The following PLCB4 variants were observed in gnomAD, a reference collection of about 807,000 sequenced individuals.
The protein encoded by PLCB4 is phospholipase C beta 4.
PLCB4 carries 77 observed loss-of-function variants against 178.8 expected under a neutral mutation model. That is an observed-to-expected ratio of 0.43 (90% CI 0.36 to 0.52). The LOEUF is 0.52. Among genes scored for constraint, PLCB4 ranks in the 20% least tolerant of loss-of-function variants. PLCB4 has a pLI of 0.00. For synonymous variants in PLCB4, 496 were observed against 490.8 expected, an observed-to-expected ratio of 1.01 and a Z score of -0.14; for missense variants, 1,024 against 1,453.4, an observed-to-expected ratio of 0.70 and a Z score of 4.80.
At chr20:9,407,528 C>T (rs2039537301) in intron 21 of PLCB4, among the ~76,000 whole-genome samples, 1 of 152,130 alleles carries the variant, frequency 6.6e-6, no homozygotes, top group African/African-American at 2.4e-5. Context: ...CGCCACCACA[C>T]CCAGCTAATT....
intron 2 of PLCB4, among the ~76,000 whole-genome samples, chr20:9,157,991 T>C (rs1453246390): frequency 6.6e-6 from 1 of 152,144 alleles, no homozygotes; most frequent in African/African-American, 2.4e-5. Context: ...CTTTCGGCCC[T>C]TTACCTGTTC....
At chr20:9,425,997 A>G (rs2148592339) in intron 28 of PLCB4, among the ~76,000 whole-genome samples, 1 of 152,286 alleles carries the variant, frequency 6.6e-6, no homozygotes, top group East Asian at 1.9e-4. Context: ...GTGCTGAACC[A>G]GTGAGATAGG....
At chr20:9,284,541 G>A (rs773120585) in intron 3 of PLCB4, among the ~76,000 whole-genome samples, 10 of 151,934 alleles carry the variant, frequency 6.6e-5, no homozygotes, top group African/African-American at 2.2e-4. Flanking sequence ...GAATTACATG[G>A]GTTTGAAGAA....
At chr20:9,183,372 A>G (rs1050379911) in intron 2 of PLCB4, among the ~76,000 whole-genome samples, 8 of 152,198 alleles carry the variant, frequency 5.3e-5, no homozygotes, top group African/African-American at 1.9e-4. Flanking sequence ...AGGCTTCTCC[A>G]GAACAAGATG....
At chr20:9,367,207 T>C (rs559452221) in intron 9 of PLCB4, among the ~76,000 whole-genome samples, 6 of 152,354 alleles carry the variant, frequency 3.9e-5, no homozygotes, top group Non-Finnish European at 7.3e-5. Flanking sequence ...AAAGTATCCA[T>C]GTGACCACTT....
chr20:9,409,617 G>A (rs2039711906), intron 24 of PLCB4, among the ~76,000 whole-genome samples: 1 of 152,138 alleles, frequency 6.6e-6, no homozygotes, highest in South Asian at 2.1e-4. Context: ...GACTGATGCA[G>A]GGGCACTTCA....
intron 2 of PLCB4, among the ~76,000 whole-genome samples, chr20:9,193,790 A>G (rs1298218872): frequency 6.6e-6 from 1 of 152,232 alleles, no homozygotes; most frequent in Non-Finnish European, 1.5e-5. Flanking sequence ...TATATTCTTG[A>G]AAACATTATA....
chr20:9,425,227 C>T (rs7261773), intron 28 of PLCB4, among the ~76,000 whole-genome samples: 5 of 152,164 alleles, frequency 3.3e-5, no homozygotes, highest in South Asian at 2.1e-4. Flanking sequence ...AACCTCCCTG[C>T]AACACAGCAT....
chr20:9,461,258 A>T (rs557401334), intron 35 of PLCB4, among the ~76,000 whole-genome samples: 1 of 152,378 alleles, frequency 6.6e-6, no homozygotes, highest in Non-Finnish European at 1.5e-5. Context: ...AGTTACTAAA[A>T]TACTTTAAAA....
chr20:9,086,446 C>G (rs368740804), intron 1 of PLCB4, among the ~76,000 whole-genome samples: 2 of 152,030 alleles, frequency 1.3e-5, no homozygotes, highest in East Asian at 3.9e-4. Flanking sequence ...GCCGAGTGAC[C>G]TTGGTCAAGT....
chr20:9,122,821 G>C (rs1035772082), intron 2 of PLCB4, among the ~76,000 whole-genome samples: 1 of 152,122 alleles, frequency 6.6e-6, no homozygotes, highest in Non-Finnish European at 1.5e-5. Context: ...TCTAAGTGTA[G>C]TTAAAGGGAC....
chr20:9,208,395 G>C (rs1601156533), intron 2 of PLCB4, among the ~76,000 whole-genome samples: 1 of 152,268 alleles, frequency 6.6e-6, no homozygotes, highest in African/African-American at 2.4e-5. Context: ...ATTACTATTT[G>C]CTTCTGACAG....
rs2044772982 is a variant in PLCB4 at position 9,479,723 on chromosome 20, A to G, written c.*714A>G. The G allele has an allele frequency of 6.6e-6, 1 of 152,656 alleles. No individual in the cohort carries two copies. The highest frequency in any genetic ancestry group is 1.5e-5 in the Non-Finnish European group (1 of 68,062). 9.5% of individuals were successfully genotyped at this position (152,656 alleles called of 1,614,324 possible). ...GATTCCGGATATTATAATTCACACC[A>G]TAAAGATTGTGAAGTGGTTATTGGC... On this transcript the variant is annotated 3_prime_UTR_variant, in exon 40 of 40. Coordinates refer to ENST00000378473, the MANE Select transcript of PLCB4 (RefSeq NM_001377142.1).
intron 2 of PLCB4, among the ~76,000 whole-genome samples, chr20:9,098,779 CTATT>C (rs1327313799): frequency 9.5e-6 from 1 of 105,042 alleles, no homozygotes; most frequent in African/African-American, 3.9e-5. Context: ...ATATATGAGA[CTATT>C]TAATACATGA....
At chr20:9,454,576 G>GT (rs1433906250) in intron 33 of PLCB4, among the ~76,000 whole-genome samples, 1 of 152,046 alleles carries the variant, frequency 6.6e-6, no homozygotes, top group Non-Finnish European at 1.5e-5. Context: ...TTTGGTTTTT[G>GT]TTTTTTATTT....
At chr20:9,104,975 T>C (rs1486102841) in intron 2 of PLCB4, among the ~76,000 whole-genome samples, 1 of 152,076 alleles carries the variant, frequency 6.6e-6, no homozygotes, top group Non-Finnish European at 1.5e-5. Context: ...GAGATCCATA[T>C]TTTTAAATAT....
At chr20:9,156,678 G>T (rs1163238250) in intron 2 of PLCB4, among the ~76,000 whole-genome samples, 3 of 152,058 alleles carry the variant, frequency 2.0e-5, no homozygotes, top group Non-Finnish European at 2.9e-5. Context: ...TTTCTTTCAG[G>T]TACATTTGAC....
chr20:9,227,868 G>A (rs570251799), intron 3 of PLCB4, among the ~76,000 whole-genome samples: 19 of 152,114 alleles, frequency 1.2e-4, no homozygotes, highest in Non-Finnish European at 2.4e-4. Context: ...TTATTGTTTT[G>A]TCCTGCAGTG....
chr20:9,354,129 G>A (rs6056570), intron 7 of PLCB4, among the ~76,000 whole-genome samples: 42,209 of 152,004 alleles, frequency 0.28, 8,862 homozygotes, highest in African/African-American at 0.6. Flanking sequence ...CAACCTCCCT[G>A]CAGCTGCCTG....
Sources: gnomAD v4.1 joint callset for allele counts (sites outside exome capture counted in the v4.1 genomes callset) on GRCh38, gnomAD v4.1.1 for gene constraint, MANE v1.5 for transcripts, NCBI Gene and HGNC (gene_info 2026-07-23, HGNC 2026-07-21) for gene names.